SLC23A1: variants seen among roughly 807,000 people sequenced by gnomAD.
SLC23A1 encodes solute carrier family 23 member 1.
Under a neutral mutation model 62.5 loss-of-function variants are expected in SLC23A1, and 31 were observed. That is an observed-to-expected ratio of 0.50 (90% CI 0.37 to 0.67). The LOEUF (loss-of-function observed/expected upper bound fraction) is 0.67, where lower values mean the gene tolerates loss of function less well. SLC23A1 is among the 30% of genes least tolerant of loss of function. The pLI is 0.00. For synonymous variants in SLC23A1, 271 were observed against 313.2 expected (o/e 0.87, Z 1.42); for missense variants, 640 against 782.7 (o/e 0.82, Z 2.18).
rs1386247831 is a variant in SLC23A1, at chr5:139,381,981, GC to G, written c.218del (p.Gly73AlafsTer71). ...PFLLAEALCV[G>X]HDQHMVSQLI... is the part of the protein sequence containing the mutation. The stretch of plus-strand genomic sequence containing the variant: ...GCTGACTAACCATGTGCTGGTCGTG[GC>G]CCACACACAGCGCCTCAGCCAGCAG... On this transcript the variant is annotated frameshift_variant, in exon 3 of 15. Coordinates refer to ENST00000348729, the MANE Select transcript of SLC23A1 (RefSeq NM_005847.5). LOFTEE classifies it high-confidence loss of function. 6.2e-7 allele frequency: 1 copy of G among 1,602,850 alleles called. No homozygotes were observed. The highest frequency in any genetic ancestry group is 1.7e-5 in the Admixed American group (1 of 58,290).
In SLC23A1 at chr5:139,379,176, G is replaced by A; in HGVS notation, c.1073+31C>T. On this transcript the variant is annotated intron_variant, in intron 9 of 14. Coordinates refer to ENST00000348729, the MANE Select transcript of SLC23A1 (RefSeq NM_005847.5). The surrounding 1 kb of genome is among the most constrained non-coding windows in gnomAD (Gnocchi z 4.7). ...GTGCTTCCTGGGTGGCGCCTGAGGA[G>A]ATCAGATACTGAGGAGGGCAGGTAG... 1 of 1,612,126 alleles carries A rather than the reference G, an allele frequency of 6.2e-7. No homozygotes were observed. Among genetic ancestry groups the A allele is most frequent in the Non-Finnish European group, 8.5e-7 (1 of 1,178,434 alleles).
chr5:139,379,479 CA>C lies in SLC23A1; in HGVS notation c.926-126del. ...ACCTCAGGCTGGGATGGGAGCTATA[CA>C]GTTGTGGGAGCTTATTTGAGTCACT... On this transcript the variant is annotated intron_variant, in intron 8 of 14. Coordinates refer to ENST00000348729, the MANE Select transcript of SLC23A1 (RefSeq NM_005847.5). The surrounding 1 kb of genome is among the most constrained non-coding windows in gnomAD (Gnocchi z 4.7). The C allele has an allele frequency of 9.2e-7, 1 of 1,088,664 alleles. No individual in the cohort carries two copies. The highest frequency in any genetic ancestry group is 1.4e-6 in the Non-Finnish European group (1 of 723,418). 67.4% of individuals were successfully genotyped at this position (1,088,664 alleles called of 1,614,324 possible).
intron 14 of SLC23A1, chr5:139,368,787 G>C: frequency 6.2e-7 from 1 of 1,611,740 alleles, no homozygotes; most frequent in Non-Finnish European, 8.5e-7. Flanking sequence ...GGTGAAGTAC[G>C]GAAATATTTG....
At chr5:139,375,766 C>T (rs544514781) in intron 13 of SLC23A1, among the ~76,000 whole-genome samples, 4 of 148,998 alleles carry the variant, frequency 2.7e-5, no homozygotes, top group South Asian at 2.1e-4. Flanking sequence ...GCTCAGGAGG[C>T]GGAGGTGGCA....
At position 139,380,346 on chromosome 5, in the gene SLC23A1, A is replaced by G. The variant is rs759371337; in HGVS notation, c.509T>C (p.Ile170Thr). 1 of 1,612,530 alleles carries G rather than the reference A, an allele frequency of 6.2e-7. No homozygotes were observed. Among genetic ancestry groups the G allele is most frequent in the Non-Finnish European group, 8.5e-7 (1 of 1,179,400 alleles). ...IMVSSVVEVVIGLLGLPGALL... is the reference protein window; with the variant it reads ...IMVSSVVEVVTGLLGLPGALL... The stretch of plus-strand genomic sequence containing the variant: ...GGCCCCAGGCAGCCCCAGCAGGCCA[A>G]TCACCACCTCCACCACGCTGGACAC... Residue 170 changes from isoleucine to threonine, a missense_variant, in exon 6 of 15, where the codon ATT becomes ACT. Coordinates refer to ENST00000348729, the MANE Select transcript of SLC23A1 (RefSeq NM_005847.5).
chr5:139,383,187 C>CA (rs774840308), intron 1 of SLC23A1, 31 bp downstream of exon 1: 1 of 296,480 alleles, frequency 3.4e-6, no homozygotes, highest in Non-Finnish European at 5.5e-6. Flanking sequence ...CCCCCCTGCC[C>CA]CCCCTAGCCC....
chr5:139,376,959 C>G (rs887933659), intron 13 of SLC23A1, among the ~76,000 whole-genome samples: 3 of 151,934 alleles, frequency 2.0e-5, no homozygotes, highest in Admixed American at 2.0e-4. Flanking sequence ...CCATCTCTAC[C>G]AAAAATATGA....
In SLC23A1 at chr5:139,379,805, C is replaced by T. The variant is rs765663964; in HGVS notation, c.798G>A (p.Leu266=). ...PIMLAIMTVW[L]LCYVLTLTDV... is the part of the protein sequence containing the mutation. ...CTGTCAAGGTCAGGACATAGCAGAG[C>T]AGCCACACGGTCATGATGGCCAGCA... Residue 266 remains leucine (L), a synonymous_variant, in exon 8 of 15, where the codon CTG becomes CTA. Transcript: ENST00000348729. The surrounding 1 kb of genome is among the most constrained non-coding windows in gnomAD (Gnocchi z 4.7). 4 of 1,614,090 alleles carry T rather than the reference C, an allele frequency of 2.5e-6. No individual in the cohort carries two copies. In the Admixed American group the frequency reaches 6.7e-5, roughly 27 times the overall value.
Position 139,377,393 on chromosome 5 carries a change from G to A in SLC23A1, c.1549+9C>T, listed in dbSNP as rs746361073. ...AGTTCTTCATTCCCCTCCCAGGACCGAACCATACCTGGCACTGTGTTGTCA... is the reference window on the plus strand; with the variant it reads ...AGTTCTTCATTCCCCTCCCAGGACCAAACCATACCTGGCACTGTGTTGTCA... On this transcript the variant is annotated intron_variant, in intron 13 of 14. Coordinates refer to ENST00000348729, the MANE Select transcript of SLC23A1 (RefSeq NM_005847.5). 7.2e-6 allele frequency: 11 copies of A among 1,520,684 alleles called. No individual in the cohort carries two copies. Among genetic ancestry groups the A allele is most frequent in the African/African-American group, 1.4e-5 (1 of 73,168 alleles). The allele number at this position is 1,520,684 out of a possible 1,614,324, so 94.2% of individuals were successfully genotyped here.
At position 139,381,874 on chromosome 5, in the gene SLC23A1, G is replaced by A; in HGVS notation, c.308+18C>T. 3 of 1,547,542 alleles carry A rather than the reference G, an allele frequency of 1.9e-6. No homozygotes were observed. The highest frequency in any genetic ancestry group is 2.3e-4 in the Middle Eastern group (1 of 4,354). ...TGGAGGGGTGGCGGGGGACGGGTTG[G>A]GGGGCTGGGCGGCTCACCGGATGCC... On this transcript the variant is annotated intron_variant, in intron 3 of 14. Coordinates refer to ENST00000348729, the MANE Select transcript of SLC23A1 (RefSeq NM_005847.5).
intron 6 of SLC23A1, 41 bp downstream of exon 6, chr5:139,380,167 G>T: frequency 6.4e-7 from 1 of 1,557,532 alleles, no homozygotes; most frequent in African/African-American, 1.4e-5. Flanking sequence ...AGAGGGTAGG[G>T]TGCTGGGGCT....
intron 13 of SLC23A1, among the ~76,000 whole-genome samples, chr5:139,376,537 C>T (rs1232880852): frequency 6.6e-6 from 1 of 152,146 alleles, no homozygotes; most frequent in Non-Finnish European, 1.5e-5. Flanking sequence ...TTAGCTCTGC[C>T]TTACCCATAG....
chr5:139,380,764 T>C, intron 4 of SLC23A1, 34 bp downstream of exon 4: 1 of 1,493,166 alleles, frequency 6.7e-7, no homozygotes, highest in Non-Finnish European at 9.2e-7. Context: ...GGGCCTCCCC[T>C]TTTCCCCAGT....
chr5:139,379,341 C>G lies in SLC23A1; in HGVS notation c.939G>C (p.Leu313=), dbSNP rs1758117492. 6 of 1,614,020 alleles carry G rather than the reference C, an allele frequency of 3.7e-6. No individual in the cohort carries two copies. The highest frequency in any genetic ancestry group is 5.1e-6 in the Non-Finnish European group (6 of 1,179,984). Residue 313 remains leucine, a synonymous_variant, in exon 9 of 15, where the codon CTG becomes CTC. Coordinates refer to ENST00000348729, the MANE Select transcript of SLC23A1 (RefSeq NM_005847.5). This position sits in a 1 kb window ranked among gnomAD's most constrained non-coding sequence, Gnocchi z 4.7. ...GGACAGCAGCCGCAGTCACCGTGGG[C>G]AGGCCCCACTGACCTGTGCTCGGAG... ...IRIPYPCQWG[L]PTVTAAAVLG... is the part of the protein sequence containing the mutation.
chr5:139,382,117 A>C (rs1758301758), intron 2 of SLC23A1, 68 bp from the exon 3 acceptor site: 6 of 1,477,376 alleles, frequency 4.1e-6, no homozygotes, highest in Non-Finnish European at 1.8e-6. Context: ...GGGACAACCT[A>C]GTGTCCTCAT....
intron 6 of SLC23A1, 26 bp from the exon 7 acceptor site, chr5:139,380,102 G>A (rs1561979630): frequency 3.8e-6 from 6 of 1,595,858 alleles, no homozygotes; most frequent in East Asian, 4.5e-5. Flanking sequence ...CAATCAGGAA[G>A]TGGATGGGAG....
chr5:139,371,950 A>T (rs893557304), intron 14 of SLC23A1, 37 bp downstream of exon 14: 1 of 1,540,008 alleles, frequency 6.5e-7, no homozygotes, highest in Admixed American at 1.8e-5. Context: ...TGTTTTGATT[A>T]TTCAACCCTC....
Position 139,379,143 on chromosome 5 carries a change from TC to T in SLC23A1, c.1073+63del. 6.4e-7 allele frequency: 1 copy of T among 1,565,544 alleles called. No individual in the cohort carries two copies. The highest frequency in any genetic ancestry group is 1.1e-5 in the South Asian group (1 of 88,606). On this transcript the variant is annotated intron_variant, in intron 9 of 14. Coordinates refer to ENST00000348729, the MANE Select transcript of SLC23A1 (RefSeq NM_005847.5). This position sits in a 1 kb window ranked among gnomAD's most constrained non-coding sequence, Gnocchi z 4.7. ...CCTACCCCCTGGGCCTCCACCCCGT[TC>T]CTGTGTGTGCTTCCTGGGTGGCGCC...
intron 13 of SLC23A1, among the ~76,000 whole-genome samples, chr5:139,373,263 T>C (rs983721910): frequency 5.9e-5 from 9 of 151,612 alleles, no homozygotes; most frequent in Non-Finnish European, 1.3e-4. Flanking sequence ...CTGCAACCTC[T>C]GCCTCCCAGA....
Sources: gnomAD v4.1 joint callset for allele counts (sites outside exome capture counted in the v4.1 genomes callset) on GRCh38, gnomAD v4.1.1 for gene constraint, Gnocchi (gnomAD v3.1) non-coding constraint, MANE v1.5 for transcripts, NCBI Gene and HGNC (gene_info 2026-07-23, HGNC 2026-07-21) for gene names.